Variants in TEC observed in about 807,000 individuals in gnomAD.
TEC encodes tyrosine-protein kinase Tec.
In TEC, 72 loss-of-function variants were observed where a neutral mutation model predicts 93.0. The ratio of observed to expected loss-of-function variants is 0.77; its 90% CI spans 0.64 to 0.94. The LOEUF (loss-of-function observed/expected upper bound fraction) is 0.94. Ranked by LOEUF, TEC falls within the 40% of genes least tolerant of loss-of-function variation. The probability of loss-of-function intolerance (pLI) is 0.00; values close to 1 mark genes in which losing one functional copy is unlikely to be tolerated. For missense variants in TEC, 630 were observed against 757.9 expected (o/e 0.83, Z 1.98); for synonymous variants, 249 against 247.7 (o/e 1.01, Z -0.05).
At chr4:48,187,659 G>T (rs1369984290) in intron 2 of TEC, among the ~76,000 whole-genome samples, 7 of 152,132 alleles carry the variant, frequency 4.6e-5, no homozygotes, top group Admixed American at 2.6e-4. Context: ...TGTGGCCCCA[G>T]AGCTAAAACC....
chr4:48,201,603 G>A (rs1308439153), intron 2 of TEC, among the ~76,000 whole-genome samples: 2 of 152,306 alleles, frequency 1.3e-5, no homozygotes, highest in Admixed American at 6.5e-5. Flanking sequence ...AAGCAAGAAG[G>A]GCCGTGGGCT....
intron 2 of TEC, among the ~76,000 whole-genome samples, chr4:48,212,110 A>AAAAAAAAAAAAAAAAAAATAT: frequency 1.3e-4 from 16 of 122,238 alleles, no homozygotes; most frequent in African/African-American, 4.8e-4. Flanking sequence ...AAAAAAAAAA[A>AAAAAAAAAAAAAAAAAAATAT]ATATATATAT....
intron 1 of TEC, among the ~76,000 whole-genome samples, chr4:48,267,258 A>G (rs1320957861): frequency 6.9e-6 from 1 of 144,602 alleles, no homozygotes; most frequent in Non-Finnish European, 1.5e-5. Flanking sequence ...CTCTAAACAA[A>G]AGAGTATGTA....
At chr4:48,214,136 G>A (rs966254935) in intron 2 of TEC, among the ~76,000 whole-genome samples, 3 of 152,078 alleles carry the variant, frequency 2.0e-5, no homozygotes, top group Non-Finnish European at 4.4e-5. Context: ...TAATGGGTGC[G>A]AGGTATTGTG....
intron 12 of TEC, 109 bp downstream of exon 12, chr4:48,146,216 T>A: frequency 1.0e-6 from 1 of 994,920 alleles, no homozygotes; most frequent in Non-Finnish European, 1.5e-6. Context: ...TACTATAAAC[T>A]TATAAAAAAC....
At chr4:48,145,870 C>T (rs1207670488) in intron 12 of TEC, among the ~76,000 whole-genome samples, 1 of 152,114 alleles carries the variant, frequency 6.6e-6, no homozygotes, top group Non-Finnish European at 1.5e-5. Context: ...ACAAATACTT[C>T]CTTCTTTACC....
chr4:48,251,326 T>C (rs1481542937), intron 1 of TEC, among the ~76,000 whole-genome samples: 1 of 152,048 alleles, frequency 6.6e-6, no homozygotes, highest in Non-Finnish European at 1.5e-5. Context: ...TCTTTCTCCC[T>C]CCTCCCCACC....
intron 2 of TEC, among the ~76,000 whole-genome samples, chr4:48,203,918 T>C (rs1214298275): frequency 6.6e-6 from 1 of 152,176 alleles, no homozygotes; most frequent in African/African-American, 2.4e-5. Context: ...CATGGGAATC[T>C]GTACAACGCA....
At chr4:48,249,403 A>G (rs946805604) in intron 1 of TEC, among the ~76,000 whole-genome samples, 6 of 152,228 alleles carry the variant, frequency 3.9e-5, no homozygotes, top group African/African-American at 1.4e-4. Context: ...TTTTGGCAAA[A>G]CTTGAGTGAA....
intron 8 of TEC, among the ~76,000 whole-genome samples, chr4:48,161,348 T>G (rs1398387458): frequency 2.6e-5 from 4 of 152,166 alleles, no homozygotes; most frequent in Non-Finnish European, 1.5e-5. Flanking sequence ...ACCTTCTCCC[T>G]TTACCATCTT....
intron 2 of TEC, among the ~76,000 whole-genome samples, chr4:48,177,089 C>T (rs1721364051): frequency 6.6e-6 from 1 of 152,178 alleles, no homozygotes; most frequent in African/African-American, 2.4e-5. Flanking sequence ...AATTAACTAA[C>T]AGCCCATCAA....
rs907199482 is a variant in TEC at position 48,136,069 on chromosome 4, G to A, written c.*1347C>T. On this transcript the variant is annotated 3_prime_UTR_variant, in exon 18 of 18. Coordinates refer to ENST00000381501, the MANE Select transcript of TEC (RefSeq NM_003215.3). ...TTACCCCACCAACAGCAAGAATAACGTGTTGGGCAATAAACGGTCTCTGGA... is the reference window on the plus strand; with the variant it reads ...TTACCCCACCAACAGCAAGAATAACATGTTGGGCAATAAACGGTCTCTGGA... 2 of 152,338 alleles carry A rather than the reference G, an allele frequency of 1.3e-5. No individual in the cohort carries two copies. The highest frequency in any genetic ancestry group is 1.9e-4 in the East Asian group (1 of 5,184). The allele number at this position is 152,338 out of a possible 1,614,324, so 9.4% of individuals were successfully genotyped here.
chr4:48,223,582 G>C (rs1723336685), intron 2 of TEC, among the ~76,000 whole-genome samples: 1 of 152,182 alleles, frequency 6.6e-6, no homozygotes, highest in African/African-American at 2.4e-5. Flanking sequence ...TGCATGTAAA[G>C]TACTTAGCAC....
chr4:48,147,949 G>A (rs1719988129), intron 11 of TEC, among the ~76,000 whole-genome samples: 1 of 152,168 alleles, frequency 6.6e-6, no homozygotes, highest in Admixed American at 6.5e-5. Flanking sequence ...ACATGACAAT[G>A]TCAAAAACAG....
intron 2 of TEC, among the ~76,000 whole-genome samples, chr4:48,200,279 G>A (rs1406872473): frequency 1.3e-5 from 2 of 152,066 alleles, no homozygotes; most frequent in Non-Finnish European, 2.9e-5. Flanking sequence ...GTGGGCTGGG[G>A]GGTGGGGAGT....
At chr4:48,163,818 T>TGAAG in intron 7 of TEC, 51 bp from the exon 8 acceptor site, 3 of 1,014,032 alleles carry the variant, frequency 3.0e-6, no homozygotes, top group Non-Finnish European at 4.3e-6. Flanking sequence ...GGGAGGTTAT[T>TGAAG]GAAAGAAAGA....
rs776093286 is a variant in TEC, at chr4:48,149,685, C to A, written c.878G>T (p.Gly293Val). 1 of 1,600,294 alleles carries A rather than the reference C, an allele frequency of 6.2e-7. No individual in the cohort carries two copies. The highest frequency in any genetic ancestry group is 1.1e-5 in the South Asian group (1 of 88,032). ...ATGATAATGCCTAAAACCCGATGAA[C>A]CTTCTCTAGAACAAAAATCAAAATG... ...VSLYTKFGGE[G>V]SSGFRHYHIK... Residue 293 changes from glycine (G) to valine (V), a missense_variant, in exon 11 of 18, where the codon GGT (glycine) becomes GTT (valine). This residue lies in a region of TEC where 335 missense variants were observed against 351.5 expected (regional missense o/e 0.95). Transcript: ENST00000381501.
chr4:48,265,515 ATTT>A (rs71189199), intron 1 of TEC, among the ~76,000 whole-genome samples: 40,201 of 128,900 alleles, frequency 0.31, 6,752 homozygotes, highest in Middle Eastern at 0.42. Flanking sequence ...ATATATATAT[ATTT>A]TTTTTTTTTT....
intron 2 of TEC, among the ~76,000 whole-genome samples, chr4:48,187,193 G>A (rs916375077): frequency 6.6e-6 from 1 of 152,106 alleles, no homozygotes; most frequent in Non-Finnish European, 1.5e-5. Context: ...GATTAAGGGC[G>A]GTGCAAGATG....
Sources: gnomAD v4.1 joint callset for allele counts (sites outside exome capture counted in the v4.1 genomes callset) on GRCh38, gnomAD v4.1.1 for gene constraint, gnomAD v4.1.1 regional missense constraint, MANE v1.5 for transcripts, NCBI Gene and HGNC (gene_info 2026-07-23, HGNC 2026-07-21) for gene names.